Variants in LINGO2 observed in about 807,000 individuals in gnomAD.
The protein encoded by LINGO2 is leucine-rich repeat and immunoglobulin-like domain-containing nogo receptor-interacting protein 2.
LINGO2 carries 14 observed loss-of-function variants against 30.6 expected under a neutral mutation model. That is an observed-to-expected ratio of 0.46 (90% CI 0.30 to 0.72). LINGO2 has a LOEUF of 0.72. Among genes scored for constraint, LINGO2 ranks in the 30% least tolerant of loss-of-function variants. LINGO2 has a pLI of 0.07. For synonymous variants in LINGO2, 317 were observed against 288.5 expected, an observed-to-expected ratio of 1.10 and a Z score of -1.00; for missense variants, 729 against 751.7, an observed-to-expected ratio of 0.97 and a Z score of 0.35.
At chr9:28,480,419 A>G (rs1487862209) in intron 1 of LINGO2, among the ~76,000 whole-genome samples, 5 of 152,124 alleles carry the variant, frequency 3.3e-5, no homozygotes, top group Non-Finnish European at 7.4e-5. Flanking sequence ...TTTCAAGAGC[A>G]GATGGGAACA....
At chr9:28,111,718 A>G (rs913396224) in intron 4 of LINGO2, among the ~76,000 whole-genome samples, 2 of 152,288 alleles carry the variant, frequency 1.3e-5, no homozygotes, top group African/African-American at 4.8e-5. Context: ...GGCTTCACCC[A>G]TATTAATTGA....
the LINGO2 span, among the ~76,000 whole-genome samples, chr9:28,777,868 A>G: frequency 6.6e-6 from 1 of 152,162 alleles, no homozygotes; most frequent in Non-Finnish European, 1.5e-5. Context: ...AAGGTATTAA[A>G]TCCTTTTTTA....
intron 4 of LINGO2, among the ~76,000 whole-genome samples, chr9:28,052,262 C>A (rs867625700): frequency 2.6e-5 from 4 of 152,076 alleles, no homozygotes; most frequent in African/African-American, 9.7e-5. Context: ...TTGAGAGTCA[C>A]TTCATGAAAA....
the LINGO2 span, among the ~76,000 whole-genome samples, chr9:28,750,992 T>TG: frequency 1.3e-5 from 2 of 151,906 alleles, no homozygotes; most frequent in Admixed American, 6.6e-5. Flanking sequence ...GGGCCAGGGA[T>TG]GGTGGCTCAT....
chr9:29,180,735 G>A, the LINGO2 span, among the ~76,000 whole-genome samples: 2 of 152,148 alleles, frequency 1.3e-5, no homozygotes, highest in East Asian at 1.9e-4. Flanking sequence ...AAAACATCTC[G>A]TTCATTTCTA....
chr9:28,075,848 A>G (rs1825607636), intron 4 of LINGO2, among the ~76,000 whole-genome samples: 3 of 151,984 alleles, frequency 2.0e-5, no homozygotes, highest in East Asian at 3.8e-4. Flanking sequence ...ATTATTTCAT[A>G]GCTGCTTTTC....
the LINGO2 span, among the ~76,000 whole-genome samples, chr9:28,701,695 A>C: frequency 5.9e-5 from 9 of 151,932 alleles, no homozygotes; most frequent in African/African-American, 2.2e-4. Context: ...TTGGGATTTG[A>C]CTGGGATTGC....
the LINGO2 span, among the ~76,000 whole-genome samples, chr9:28,686,942 T>C: frequency 2.0e-5 from 3 of 152,052 alleles, no homozygotes; most frequent in Non-Finnish European, 4.4e-5. Flanking sequence ...CATTTCAAAT[T>C]CTGTGTCACA....
the LINGO2 span, among the ~76,000 whole-genome samples, chr9:29,041,546 G>T: frequency 6.6e-6 from 1 of 151,954 alleles, no homozygotes; most frequent in East Asian, 1.9e-4. Flanking sequence ...AATATGGACA[G>T]ATGGGTAACC....
intron 4 of LINGO2, among the ~76,000 whole-genome samples, chr9:28,108,821 T>A (rs2133349413): frequency 6.6e-6 from 1 of 152,256 alleles, no homozygotes; most frequent in Middle Eastern, 3.4e-3. Flanking sequence ...TATCCATGTT[T>A]TGTAGATGAG....
At chr9:28,370,714 A>G (rs1209148264) in intron 3 of LINGO2, among the ~76,000 whole-genome samples, 1 of 152,152 alleles carries the variant, frequency 6.6e-6, no homozygotes, top group East Asian at 1.9e-4. Context: ...TTCTATTCCA[A>G]ATGAAAGACC....
Position 28,277,237 on chromosome 9 carries a change from T to C in LINGO2, c.-87+17971A>G, listed in dbSNP as rs1175590466. ...AATATTTTCATTGTTAATATATCTG[T>C]AACAGTGATCTGTGATCGATGCTTT... On this transcript the variant is annotated intron_variant, in intron 4 of 5. Coordinates refer to ENST00000379992, the Ensembl canonical transcript of LINGO2. Among the ~76,000 whole-genome samples, 28 of 152,218 alleles carry C rather than the reference T, an allele frequency of 1.8e-4. 1 individual carries two copies. Among genetic ancestry groups the C allele is most frequent in the Admixed American group, 1.8e-3 (28 of 15,286 alleles).
the LINGO2 span, among the ~76,000 whole-genome samples, chr9:28,746,664 C>T: frequency 6.6e-6 from 1 of 151,866 alleles, no homozygotes; most frequent in African/African-American, 2.4e-5. Flanking sequence ...AATAATATTA[C>T]CTACTCCACT....
At chr9:28,022,262 C>A (rs373721249) in intron 4 of LINGO2, among the ~76,000 whole-genome samples, 2 of 152,056 alleles carry the variant, frequency 1.3e-5, no homozygotes, top group Non-Finnish European at 2.9e-5. Context: ...TCCTATTCTT[C>A]GTGACATTGC....
chr9:28,834,362 T>A, the LINGO2 span, among the ~76,000 whole-genome samples: 1 of 152,216 alleles, frequency 6.6e-6, no homozygotes, highest in Non-Finnish European at 1.5e-5. Context: ...TAATTCTTAA[T>A]GTGAATTTCC....
chr9:28,198,572 A>G (rs1378270365), intron 4 of LINGO2, among the ~76,000 whole-genome samples: 1 of 152,188 alleles, frequency 6.6e-6, no homozygotes, highest in Non-Finnish European at 1.5e-5. Context: ...AAATATGCCA[A>G]GTGAGTTTTA....
At chr9:29,187,590 A>G in the LINGO2 span, among the ~76,000 whole-genome samples, 1 of 152,208 alleles carries the variant, frequency 6.6e-6, no homozygotes, top group Non-Finnish European at 1.5e-5. Flanking sequence ...AGAATTTTAC[A>G]AAACAGGTTT....
At chr9:28,405,736 A>G (rs1370485690) in intron 2 of LINGO2, among the ~76,000 whole-genome samples, 1 of 152,126 alleles carries the variant, frequency 6.6e-6, no homozygotes. Context: ...CTTTCTATCA[A>G]GTTTCCAGAC....
chr9:28,022,654 C>A (rs913185173), intron 4 of LINGO2, among the ~76,000 whole-genome samples: 9 of 146,408 alleles, frequency 6.1e-5, no homozygotes, highest in African/African-American at 2.2e-4. Context: ...TTCTTTTTCT[C>A]TCTCCTTCCT....
Sources: gnomAD v4.1 joint callset for allele counts (sites outside exome capture counted in the v4.1 genomes callset) on GRCh38, gnomAD v4.1.1 for gene constraint, MANE v1.5 for transcripts, NCBI Gene and HGNC (gene_info 2026-07-23, HGNC 2026-07-21) for gene names.